The following ZBED6 variants were observed in gnomAD, a reference collection of about 807,000 sequenced individuals.
ZBED6 encodes the protein zinc finger BED domain-containing protein 6.
In ZBED6, 40 loss-of-function variants were observed where a neutral mutation model predicts 58.4. The observed-to-expected ratio is 0.68, with a 90% CI of 0.53 to 0.89. The LOEUF (loss-of-function observed/expected upper bound fraction) is 0.89, where lower values mean the gene tolerates loss of function less well. Ranked by LOEUF, ZBED6 falls within the 40% of genes least tolerant of loss-of-function variation. The pLI is 0.00. For missense variants in ZBED6, 1,057 were observed against 1,003.9 expected, an observed-to-expected ratio of 1.05 and a Z score of -0.71; for synonymous variants, 439 against 350.6, an observed-to-expected ratio of 1.25 and a Z score of -2.82.
chr1:203,798,770 A>G (rs768277265), exon 1 of ZBED6: 3 of 1,536,114 alleles, frequency 2.0e-6, no homozygotes, highest in Non-Finnish European at 2.6e-6. Context: ...CAATTATCCA[A>G]ATGATTGTGG....
At chr1:203,824,815 C>T (rs188365248) in intron 3 of ZBED6, among the ~76,000 whole-genome samples, 3 of 152,258 alleles carry the variant, frequency 2.0e-5, no homozygotes, top group East Asian at 1.9e-4. Context: ...CACGGTGGCT[C>T]ACGCCTGTAA....
At chr1:203,823,001 C>T (rs551760391) in intron 3 of ZBED6, among the ~76,000 whole-genome samples, 1 of 152,286 alleles carries the variant, frequency 6.6e-6, no homozygotes, top group East Asian at 1.9e-4. Flanking sequence ...TCTAAGCTAC[C>T]TATCTTGCAA....
At chr1:203,805,143 AT>A (rs148879848) in intron 1 of ZBED6, among the ~76,000 whole-genome samples, 84,179 of 131,226 alleles carry the variant, frequency 0.64, 26,317 homozygotes, top group Middle Eastern at 0.72. Flanking sequence ...TACAGTAGTG[AT>A]TTTTTTTTTT....
At chr1:203,796,196 C>T (rs1571834956) in exon 1 of ZBED6, 2 of 382,594 alleles carry the variant, frequency 5.2e-6, no homozygotes, top group East Asian at 7.5e-5. Context: ...TTGCTTTCTT[C>T]GGGGCAACAG....
chr1:203,839,606 T>G (rs1331453710), intron 10 of ZBED6, among the ~76,000 whole-genome samples: 1 of 152,224 alleles, frequency 6.6e-6, no homozygotes, highest in African/African-American at 2.4e-5. Context: ...AGTTACTTTC[T>G]TTGCCACATT....
chr1:203,818,723 G>A (rs746145121), intron 3 of ZBED6, 34 bp downstream of exon 3: 31 of 1,613,268 alleles, frequency 1.9e-5, no homozygotes, highest in Non-Finnish European at 2.3e-5. Context: ...ATAATAAGTA[G>A]TCTGGAGACC....
chr1:203,817,252 C>A, intron 2 of ZBED6, 128 bp downstream of exon 2: 1 of 667,444 alleles, frequency 1.5e-6, no homozygotes, highest in Non-Finnish European at 2.4e-6. Context: ...TATTGGCTGT[C>A]AGTTTTTTAA....
intron 11 of ZBED6, among the ~76,000 whole-genome samples, chr1:203,844,761 A>T (rs1388511422): frequency 6.6e-6 from 1 of 152,152 alleles, no homozygotes; most frequent in Non-Finnish European, 1.5e-5. Context: ...CAATTGCCAC[A>T]GTAAGACTTT....
chr1:203,828,640 T>C (rs1681313277), intron 4 of ZBED6, among the ~76,000 whole-genome samples: 1 of 152,234 alleles, frequency 6.6e-6, no homozygotes, highest in African/African-American at 2.4e-5. Context: ...GTTATTATAC[T>C]TACTTCATTT....
At chr1:203,806,027 G>A (rs1008575201) in intron 1 of ZBED6, 17 of 543,970 alleles carry the variant, frequency 3.1e-5, no homozygotes, top group Non-Finnish European at 4.3e-5. Flanking sequence ...TCTTGGGTGC[G>A]ATTGTCCTGC....
chr1:203,799,251 G>A (rs1294313436), exon 1 of ZBED6: 1 of 806,322 alleles, frequency 1.2e-6, no homozygotes, highest in Admixed American at 2.0e-5. Flanking sequence ...CAAAGATGGT[G>A]GTTTTACCCA....
chr1:203,815,214 TTC>T (rs1675888287), intron 1 of ZBED6, among the ~76,000 whole-genome samples: 1 of 68,878 alleles, frequency 1.5e-5, no homozygotes, highest in Non-Finnish European at 3.4e-5. Flanking sequence ...TCCTTTTCTT[TTC>T]TTTTTTTTTT....
intron 3 of ZBED6, among the ~76,000 whole-genome samples, chr1:203,820,618 C>T (rs9803846): frequency 0.11 from 16,426 of 151,802 alleles, 1,155 homozygotes; most frequent in Non-Finnish European, 0.15. Context: ...GCTGGGACAA[C>T]GGGCATGCCT....
intron 11 of ZBED6, 40 bp from the exon 12 acceptor site, chr1:203,847,144 A>G (rs758871584): frequency 1.2e-6 from 2 of 1,603,790 alleles, no homozygotes; most frequent in East Asian, 2.2e-5. Flanking sequence ...TAAGAGATGA[A>G]CTTCAAGTAT....
chr1:203,841,928 C>T (rs180888285), intron 11 of ZBED6, among the ~76,000 whole-genome samples: 2,563 of 144,048 alleles, frequency 0.018, 67 homozygotes, highest in African/African-American at 0.059. Context: ...GATGGGGTGG[C>T]GGTCGGGCAG....
intron 3 of ZBED6, among the ~76,000 whole-genome samples, chr1:203,826,980 C>A (rs568360617): frequency 1.6e-4 from 24 of 152,226 alleles, no homozygotes; most frequent in Admixed American, 3.9e-4. Flanking sequence ...AACCACATCC[C>A]CAAAGCTGAT....
At chr1:203,842,848 A>C (rs1308855378) in intron 11 of ZBED6, among the ~76,000 whole-genome samples, 2 of 151,574 alleles carry the variant, frequency 1.3e-5, no homozygotes, top group East Asian at 3.9e-4. Context: ...TTAAATTATG[A>C]AATATAACTA....
chr1:203,799,260 C>A, exon 1 of ZBED6: 1 of 762,860 alleles, frequency 1.3e-6, no homozygotes, highest in Non-Finnish European at 2.3e-6. Flanking sequence ...TGGTTTTACC[C>A]ATGTGCCATG....
exon 1 of ZBED6, chr1:203,798,427 G>T: frequency 6.5e-7 from 1 of 1,534,796 alleles, no homozygotes; most frequent in Non-Finnish European, 8.7e-7. Context: ...TCCCACTTAG[G>T]GACTTCAACA....
Sources: gnomAD v4.1 joint callset for allele counts (sites outside exome capture counted in the v4.1 genomes callset) on GRCh38, gnomAD v4.1.1 for gene constraint, MANE v1.5 for transcripts, NCBI Gene and HGNC (gene_info 2026-07-23, HGNC 2026-07-21) for gene names.